The following ZNF385D variants were observed in gnomAD, a reference collection of about 807,000 sequenced individuals.
ZNF385D encodes zinc finger protein 385D.
In ZNF385D, 15 loss-of-function variants were observed where a neutral mutation model predicts 35.8. The ratio of observed to expected loss-of-function variants is 0.42; its 90% CI spans 0.28 to 0.64. The LOEUF is 0.64. Ranked by LOEUF, ZNF385D falls within the 30% of genes least tolerant of loss-of-function variation. The pLI is 0.23. For missense variants in ZNF385D, 474 were observed against 494.6 expected (o/e 0.96, Z 0.39); for synonymous variants, 212 against 186.8 (o/e 1.13, Z -1.10).
intron 2 of ZNF385D, among the ~76,000 whole-genome samples, chr3:21,636,941 G>A (rs975844226): frequency 3.3e-5 from 5 of 151,820 alleles, no homozygotes; most frequent in Non-Finnish European, 5.9e-5. Flanking sequence ...ACTTTTTGGT[G>A]GAATTGTTTT....
intron 3 of ZNF385D, among the ~76,000 whole-genome samples, chr3:21,818,541 A>T (rs1450286928): frequency 6.6e-6 from 1 of 152,196 alleles, no homozygotes; most frequent in African/African-American, 2.4e-5. Context: ...TATTTCTCAG[A>T]GAGATATCCC....
At chr3:21,796,520 G>C (rs1387375159) in intron 3 of ZNF385D, among the ~76,000 whole-genome samples, 1 of 152,024 alleles carries the variant, frequency 6.6e-6, no homozygotes, top group Non-Finnish European at 1.5e-5. Context: ...ATCAACAAAA[G>C]CTGGAACAAC....
intron 2 of ZNF385D, among the ~76,000 whole-genome samples, chr3:22,266,166 T>C (rs556709097): frequency 6.6e-6 from 1 of 152,082 alleles, no homozygotes; most frequent in South Asian, 2.1e-4. Context: ...ACTCTTTCCA[T>C]TTGGACCTTC....
chr3:21,518,676 T>C (rs1707728980), intron 3 of ZNF385D, among the ~76,000 whole-genome samples: 1 of 152,164 alleles, frequency 6.6e-6, no homozygotes, highest in Non-Finnish European at 1.5e-5. Context: ...GTTTTTTTAT[T>C]GAGAAAATTA....
At chr3:22,172,263 G>C (rs1047954174) in intron 2 of ZNF385D, among the ~76,000 whole-genome samples, 3 of 152,138 alleles carry the variant, frequency 2.0e-5, no homozygotes, top group African/African-American at 7.2e-5. Flanking sequence ...ATTATCAAAG[G>C]AATGAGGTGT....
chr3:22,318,792 C>A (rs1180614887), intron 2 of ZNF385D, among the ~76,000 whole-genome samples: 1 of 151,846 alleles, frequency 6.6e-6, no homozygotes, highest in East Asian at 1.9e-4. Flanking sequence ...GTGTATAAAA[C>A]AAAAATGTAC....
chr3:22,152,735 T>C (rs1394592948), intron 3 of ZNF385D, among the ~76,000 whole-genome samples: 1 of 152,186 alleles, frequency 6.6e-6, no homozygotes, highest in Non-Finnish European at 1.5e-5. Flanking sequence ...GACCATGAAT[T>C]TGATCACGTA....
At chr3:22,094,896 G>A (rs1701531083) in intron 3 of ZNF385D, among the ~76,000 whole-genome samples, 1 of 151,842 alleles carries the variant, frequency 6.6e-6, no homozygotes, top group Admixed American at 6.6e-5. Flanking sequence ...TCCTTTCTAT[G>A]TTCCTGGAAA....
chr3:21,982,795 G>A (rs185713835), intron 3 of ZNF385D, among the ~76,000 whole-genome samples: 15 of 143,726 alleles, frequency 1.0e-4, no homozygotes, highest in Middle Eastern at 3.6e-3. Flanking sequence ...TAACATGAAG[G>A]GCTGTTGAAT....
rs77372539 is a variant in ZNF385D, at chr3:22,056,541, A to G, written c.325+112276T>C. ...TGTACATCTTCCTAAAGCCATTCCA[A>G]TTAAACAGAAAAGAAAGTTTAAAAA... On this transcript the variant is annotated intron_variant, in intron 3 of 5. Coordinates refer to the ZNF385D transcript ENST00000494108. 1.8e-3 allele frequency among the ~76,000 whole-genome samples: 271 copies of G among 152,296 alleles called. 1 individual carries two copies. Among genetic ancestry groups the G allele is most frequent in the African/African-American group, 6.0e-3 (249 of 41,566 alleles).
chr3:21,841,203 G>C (rs184730324), intron 3 of ZNF385D, among the ~76,000 whole-genome samples: 8 of 152,160 alleles, frequency 5.3e-5, no homozygotes, highest in South Asian at 4.1e-4. Flanking sequence ...CTACAGACCA[G>C]TGATAACAGA....
rs1276335177 is a variant in ZNF385D, at chr3:21,437,269, T to C, written c.440-66A>G. 5 of 1,412,808 alleles carry C rather than the reference T, an allele frequency of 3.5e-6. No homozygotes were observed. In the African/African-American group the frequency reaches 4.3e-5, roughly 12 times the overall value. 87.5% of individuals were successfully genotyped at this position (1,412,808 alleles called of 1,614,324 possible). A position where few individuals can be genotyped will look rare whatever the true frequency, so the allele number is the denominator to read the frequency against. On this transcript the variant is annotated intron_variant, in intron 4 of 7. Transcript: ENST00000281523. Reference sequence around the variant, plus strand: ...GGTATTATCTTTCCCTATTCAGGAATGTATCATGAATATTGCATTCTGCTT... The same window carrying C: ...GGTATTATCTTTCCCTATTCAGGAACGTATCATGAATATTGCATTCTGCTT...
At chr3:22,085,808 A>C (rs1316008969) in intron 3 of ZNF385D, among the ~76,000 whole-genome samples, 3 of 152,204 alleles carry the variant, frequency 2.0e-5, no homozygotes, top group Non-Finnish European at 4.4e-5. Flanking sequence ...ATCCTCAATA[A>C]AATACTGGCA....
intron 2 of ZNF385D, among the ~76,000 whole-genome samples, chr3:22,337,096 C>T (rs1695205796): frequency 6.6e-6 from 1 of 151,488 alleles, no homozygotes; most frequent in African/African-American, 2.4e-5. Flanking sequence ...TTTAGTAACA[C>T]TTTATAAGTC....
intron 3 of ZNF385D, among the ~76,000 whole-genome samples, chr3:21,844,811 C>A (rs1231773028): frequency 6.6e-6 from 1 of 151,890 alleles, no homozygotes; most frequent in Non-Finnish European, 1.5e-5. Flanking sequence ...ATCAATTTTA[C>A]TGAAATTTTT....
At chr3:21,715,848 A>T (rs995838554) in intron 1 of ZNF385D, among the ~76,000 whole-genome samples, 2 of 152,172 alleles carry the variant, frequency 1.3e-5, no homozygotes, top group Admixed American at 1.3e-4. Flanking sequence ...TTCGGACTCC[A>T]TATATCTAAT....
At chr3:21,625,733 C>T (rs1194970502) in intron 2 of ZNF385D, among the ~76,000 whole-genome samples, 1 of 152,038 alleles carries the variant, frequency 6.6e-6, no homozygotes, top group Non-Finnish European at 1.5e-5. Flanking sequence ...TTAAATGTGA[C>T]TATTCAAATT....
At chr3:21,800,137 T>G (rs2072330140) in intron 3 of ZNF385D, among the ~76,000 whole-genome samples, 1 of 152,220 alleles carries the variant, frequency 6.6e-6, no homozygotes, top group Non-Finnish European at 1.5e-5. Context: ...CTGCTTTGAT[T>G]TTTATAGCTT....
intron 3 of ZNF385D, among the ~76,000 whole-genome samples, chr3:22,001,094 C>T (rs1327259823): frequency 6.6e-6 from 1 of 151,974 alleles, no homozygotes; most frequent in African/African-American, 2.4e-5. Flanking sequence ...AAAAGACATA[C>T]AAAATAACCA....
Sources: gnomAD v4.1 joint callset for allele counts (sites outside exome capture counted in the v4.1 genomes callset) on GRCh38, gnomAD v4.1.1 for gene constraint, MANE v1.5 for transcripts, NCBI Gene and HGNC (gene_info 2026-07-23, HGNC 2026-07-21) for gene names.